Variants in COL4A6 observed in about 807,000 individuals in gnomAD.
COL4A6 encodes the protein collagen alpha-6(IV) chain.
In COL4A6, 59 loss-of-function variants were observed where a neutral mutation model predicts 126.7. That is an observed-to-expected ratio of 0.47 (90% confidence interval 0.38 to 0.58). The LOEUF is 0.58. Among genes scored for constraint, COL4A6 ranks in the 20% least tolerant of loss-of-function variants. The pLI, the probability that COL4A6 is intolerant of heterozygous loss-of-function variation, is 0.00. For missense variants in COL4A6, 1,285 were observed against 1,337.3 expected (o/e 0.96, Z 0.61); for synonymous variants, 547 against 496.6 (o/e 1.10, Z -1.35).
chrX:108,272,936 A>AT (rs1176999505), intron 3 of COL4A6, among the ~76,000 whole-genome samples: 1 of 109,477 alleles, frequency 9.1e-6, no homozygotes. Flanking sequence ...TTTTTTATTT[A>AT]TTTTTATTAT....
chrX:108,220,149 T>C (rs751434931), intron 4 of COL4A6, among the ~76,000 whole-genome samples: 3 of 112,015 alleles, frequency 2.7e-5, no homozygotes, highest in Non-Finnish European at 5.6e-5. Context: ...TATCCTGGAA[T>C]AGCAGTTTCA....
chrX:108,223,934 C>T (rs1045511040), intron 3 of COL4A6, among the ~76,000 whole-genome samples: 1 of 111,292 alleles, frequency 9.0e-6, no homozygotes, highest in African/African-American at 3.3e-5. Context: ...CAAGCCCTGA[C>T]AAAAGTTTTC....
At chrX:108,189,762 A>G (rs950928915) in intron 20 of COL4A6, among the ~76,000 whole-genome samples, 2 of 112,355 alleles carry the variant, frequency 1.8e-5, no homozygotes, top group African/African-American at 6.5e-5. Context: ...AAGTTAGAAC[A>G]TCTCTGTTTG....
intron 2 of COL4A6, among the ~76,000 whole-genome samples, chrX:108,355,211 C>T (rs767079200): frequency 1.3e-4 from 15 of 112,169 alleles, no homozygotes; most frequent in African/African-American, 4.2e-4. Flanking sequence ...GTAGGAAACA[C>T]TGGCATTACA....
chrX:108,160,643 G>T lies in COL4A6; in HGVS notation c.4345C>A (p.Gln1449Lys), dbSNP rs1398972334. The T allele has an allele frequency of 8.3e-7, 1 of 1,205,282 alleles. No homozygotes were observed. The highest frequency in any genetic ancestry group is 2.2e-5 in the Admixed American group (1 of 45,185). The change falls in exon 43 of 45, where the codon CAG becomes AAG. Residue 1449 changes from glutamine to lysine, a missense_variant. Gln to Lys is a moderately conservative substitution (Grantham distance 53, BLOSUM62 1). Transcript: ENST00000334504. ...GPPGFEGAPG[Q>K]QGPFGMPGMP... ...CCAGGCATCCCGAAGGGGCCTTGCT[G>T]CCCTGGAGCTCCTGAGAGAGACAGA...
chrX:108,341,012 C>T (rs2039551460), intron 2 of COL4A6, among the ~76,000 whole-genome samples: 1 of 110,947 alleles, frequency 9.0e-6, no homozygotes, highest in Non-Finnish European at 1.9e-5. Context: ...CAAGACTTGG[C>T]TTGGATGCAG....
At chrX:108,431,686 T>C (rs932966482) in intron 2 of COL4A6, among the ~76,000 whole-genome samples, 1 of 111,318 alleles carries the variant, frequency 9.0e-6, no homozygotes, top group African/African-American at 3.3e-5. Context: ...AATGTATTAT[T>C]TTAGGTGTGT....
At position 108,156,726 on chromosome X, in the gene COL4A6, T is replaced by G; in HGVS notation, c.*274A>C. The stretch of plus-strand genomic sequence containing the variant: ...AGACAGTTGTGGCCCATCAAATCTT[T>G]CTGAGGTAGCCATGAATAGTCACAC... On this transcript the variant is annotated 3_prime_UTR_variant, in exon 45 of 45. Coordinates refer to ENST00000334504, the MANE Select transcript of COL4A6 (RefSeq NM_033641.4). 2.6e-6 allele frequency: 1 copy of G among 387,576 alleles called. No homozygotes were observed. The allele number at this position is 387,576 out of a possible 1,213,427, so 31.9% of individuals were successfully genotyped here.
chrX:108,434,062 T>C (rs1008738956), intron 2 of COL4A6, among the ~76,000 whole-genome samples: 3 of 112,303 alleles, frequency 2.7e-5, no homozygotes, highest in Non-Finnish European at 5.6e-5. Context: ...TCCAGTCATA[T>C]GGCTTGATTA....
At chrX:108,304,181 TTCTCCAGC>T (rs2038567271) in intron 3 of COL4A6, among the ~76,000 whole-genome samples, 1 of 112,042 alleles carries the variant, frequency 8.9e-6, no homozygotes, top group African/African-American at 3.2e-5. Context: ...ATCTATCTCC[TTCTCCAGC>T]TCCTTGGCTC....
chrX:108,193,853 C>A (rs2035132546), intron 16 of COL4A6, among the ~76,000 whole-genome samples, 156 bp from the exon 17 acceptor site: 1 of 112,602 alleles, frequency 8.9e-6, no homozygotes, highest in South Asian at 3.7e-4. Context: ...ATTTCAAAGT[C>A]CCATAAATTT....
chrX:108,260,547 A>T (rs1158246462), intron 3 of COL4A6, among the ~76,000 whole-genome samples: 4 of 110,630 alleles, frequency 3.6e-5, no homozygotes, highest in Non-Finnish European at 7.6e-5. Context: ...TCCCTGCACA[A>T]GCTTTGTCTT....
intron 2 of COL4A6, among the ~76,000 whole-genome samples, chrX:108,374,737 T>G (rs1017440436): frequency 9.0e-6 from 1 of 111,682 alleles, no homozygotes; most frequent in African/African-American, 3.3e-5. Flanking sequence ...TTTAGGGTGG[T>G]TTTTCAAAAT....
intron 3 of COL4A6, among the ~76,000 whole-genome samples, chrX:108,295,563 T>G (rs996195362): frequency 1.8e-5 from 2 of 112,789 alleles, no homozygotes; most frequent in Non-Finnish European, 3.7e-5. Context: ...TTGGGTTTTG[T>G]GGATCAAACA....
chrX:108,376,487 C>T (rs781727383), intron 2 of COL4A6, among the ~76,000 whole-genome samples: 2 of 111,556 alleles, frequency 1.8e-5, no homozygotes, highest in African/African-American at 3.3e-5. Flanking sequence ...TGCCTGTAGT[C>T]CCAGCTACTG....
At chrX:108,426,234 ATAAC>A (rs1851627642) in intron 2 of COL4A6, among the ~76,000 whole-genome samples, 1 of 111,814 alleles carries the variant, frequency 8.9e-6, no homozygotes. Context: ...AAGGAAAAAT[ATAAC>A]TAACATTAAT....
At chrX:108,364,452 A>G (rs1268477042) in intron 2 of COL4A6, among the ~76,000 whole-genome samples, 1 of 111,272 alleles carries the variant, frequency 9.0e-6, no homozygotes, top group African/African-American at 3.3e-5. Context: ...ATTTGTATAA[A>G]TTTAAGGGGT....
chrX:108,232,216 G>A (rs2036326838), intron 3 of COL4A6, among the ~76,000 whole-genome samples: 1 of 111,744 alleles, frequency 8.9e-6, no homozygotes, highest in African/African-American at 3.3e-5. Context: ...AGAATCTTCA[G>A]GTCTCCTTTT....
At chrX:108,175,323 C>T (rs2034445024) in intron 29 of COL4A6, 108 bp from the exon 30 acceptor site, 5 of 942,975 alleles carry the variant, frequency 5.3e-6, no homozygotes, top group Admixed American at 3.6e-5. Context: ...TCTTTTGGGG[C>T]CTTTCCATCT....
Sources: gnomAD v4.1 joint callset for allele counts (sites outside exome capture counted in the v4.1 genomes callset) on GRCh38, gnomAD v4.1.1 for gene constraint, MANE v1.5 for transcripts, NCBI Gene and HGNC (gene_info 2026-07-23, HGNC 2026-07-21) for gene names.